The following GLI2 variants were observed in gnomAD, a reference collection of about 807,000 sequenced individuals.
The protein encoded by GLI2 is transcription activator GLI2.
Under a neutral mutation model 78.9 loss-of-function variants are expected in GLI2, and 22 were observed. The ratio of observed to expected loss-of-function variants is 0.28; its 90% confidence interval spans 0.20 to 0.40. The LOEUF is 0.40. GLI2 is among the 10% of genes least tolerant of loss of function. The pLI is 1.00. For missense variants in GLI2, 2,097 were observed against 2,213.2 expected, an observed-to-expected ratio of 0.95 and a Z score of 1.05; for synonymous variants, 974 against 963.7, an observed-to-expected ratio of 1.01 and a Z score of -0.20.
At chr2:120,920,816 C>G (rs1400277734) in intron 2 of GLI2, among the ~76,000 whole-genome samples, 1 of 149,090 alleles carries the variant, frequency 6.7e-6, no homozygotes, top group Admixed American at 6.7e-5. Context: ...AAATGGCATA[C>G]GGGGTGTGTA....
chr2:120,851,413 G>A (rs1687400909), intron 2 of GLI2, among the ~76,000 whole-genome samples: 1 of 152,256 alleles, frequency 6.6e-6, no homozygotes, highest in South Asian at 2.1e-4. Flanking sequence ...TGGGCCCCCA[G>A]GGCCAGGGGA....
intron 2 of GLI2, among the ~76,000 whole-genome samples, chr2:120,880,707 G>T (rs1677070778): frequency 6.6e-6 from 1 of 152,202 alleles, no homozygotes; most frequent in Non-Finnish European, 1.5e-5. Flanking sequence ...TGAGGTATCT[G>T]CGTATGAGAG....
chr2:120,985,734 A>C (rs984419505), intron 12 of GLI2, among the ~76,000 whole-genome samples: 2 of 152,164 alleles, frequency 1.3e-5, no homozygotes, highest in Non-Finnish European at 1.5e-5. Context: ...CACTGTGTAC[A>C]TGTGCCATGA....
At chr2:120,929,451 C>T (rs1023177842) in intron 3 of GLI2, among the ~76,000 whole-genome samples, 3 of 152,178 alleles carry the variant, frequency 2.0e-5, no homozygotes, top group Non-Finnish European at 2.9e-5. Flanking sequence ...TGCCAAATGG[C>T]GATTTTCTGT....
intron 2 of GLI2, among the ~76,000 whole-genome samples, chr2:120,924,542 TACACACACAC>T (rs56852363): frequency 2.0e-5 from 3 of 149,548 alleles, no homozygotes; most frequent in Non-Finnish European, 1.5e-5. Context: ...CATTTAGAAA[TACACACACAC>T]ACACACACAC....
chr2:120,855,447 CTG>C (rs2104621597), intron 2 of GLI2, among the ~76,000 whole-genome samples: 1 of 152,332 alleles, frequency 6.6e-6, no homozygotes, highest in East Asian at 1.9e-4. Flanking sequence ...CCAGGGAGCA[CTG>C]TGAATTCAGG....
intron 2 of GLI2, among the ~76,000 whole-genome samples, chr2:120,845,000 C>T (rs764670437): frequency 8.5e-5 from 13 of 152,186 alleles, no homozygotes; most frequent in Non-Finnish European, 1.8e-4. Context: ...AAGCTGGGCA[C>T]GGTGGCTCAT....
At chr2:120,824,461 C>T (rs1005465383) in intron 2 of GLI2, among the ~76,000 whole-genome samples, 1 of 152,366 alleles carries the variant, frequency 6.6e-6, no homozygotes, top group Non-Finnish European at 1.5e-5. Flanking sequence ...CTCAGGCCCA[C>T]CCTCTGAGCT....
At chr2:120,881,845 T>C (rs56970083) in intron 2 of GLI2, among the ~76,000 whole-genome samples, 2,840 of 120,436 alleles carry the variant, frequency 0.024, 76 homozygotes, top group African/African-American at 0.058. Context: ...GCAAGACAGG[T>C]GGGAGAGGGG....
intron 1 of GLI2, among the ~76,000 whole-genome samples, chr2:120,777,463 G>T (rs1683715401): frequency 6.6e-6 from 1 of 152,040 alleles, no homozygotes; most frequent in Non-Finnish European, 1.5e-5. Flanking sequence ...GGGGGCCTGT[G>T]TGGATATGCT....
At chr2:120,801,206 T>G (rs563709298) in intron 2 of GLI2, among the ~76,000 whole-genome samples, 7 of 152,334 alleles carry the variant, frequency 4.6e-5, no homozygotes, top group African/African-American at 1.7e-4. Context: ...TGGCATGATC[T>G]CAGCTCACTG....
chr2:120,800,649 C>T lies in GLI2; in HGVS notation c.148+3181C>T, dbSNP rs575191893. Among the ~76,000 whole-genome samples the T allele has an allele frequency of 8.6e-4, 130 of 151,780 alleles. No individual in the cohort carries two copies. Among genetic ancestry groups the T allele is most frequent in the African/African-American group, 2.9e-3 (122 of 41,410 alleles). On this transcript the variant is annotated intron_variant, in intron 2 of 13. Coordinates refer to ENST00000361492, the MANE Select transcript of GLI2 (RefSeq NM_001374353.1). The surrounding 1 kb of genome is among the most constrained non-coding windows in gnomAD (Gnocchi z 4.1). ...GCCTCCCAGTAGCTGGGACTACAGG[C>T]ACCCGCCACCACACCTGGCTAATTT...
intron 1 of GLI2, among the ~76,000 whole-genome samples, chr2:120,796,757 A>T (rs1000172273): frequency 6.6e-6 from 1 of 152,244 alleles, no homozygotes; most frequent in Non-Finnish European, 1.5e-5. Flanking sequence ...CCTGATGCAT[A>T]CTAGGGGCTT....
intron 1 of GLI2, among the ~76,000 whole-genome samples, chr2:120,756,388 A>T (rs1683035023): frequency 6.6e-6 from 1 of 152,124 alleles, no homozygotes; most frequent in African/African-American, 2.4e-5. Flanking sequence ...TGGTTTATTT[A>T]TATTGCTTTT....
chr2:120,740,166 C>T (rs1251861084), intron 1 of GLI2, among the ~76,000 whole-genome samples: 1 of 152,132 alleles, frequency 6.6e-6, no homozygotes, highest in Non-Finnish European at 1.5e-5. Context: ...GCATCCTTAA[C>T]CCACAAAACT....
chr2:120,795,986 G>A (rs1684373623), intron 1 of GLI2, among the ~76,000 whole-genome samples: 1 of 152,208 alleles, frequency 6.6e-6, no homozygotes, highest in African/African-American at 2.4e-5. Context: ...AGAGGTTGCG[G>A]TGAGCCAAGA....
At chr2:120,961,089 C>T (rs912918761) in intron 5 of GLI2, among the ~76,000 whole-genome samples, 2 of 152,186 alleles carry the variant, frequency 1.3e-5, no homozygotes, top group African/African-American at 4.8e-5. Flanking sequence ...AACGACAGAA[C>T]AGCCACCCCC....
chr2:120,782,482 A>T (rs1398780139), intron 1 of GLI2, among the ~76,000 whole-genome samples: 9 of 152,202 alleles, frequency 5.9e-5, no homozygotes, highest in Non-Finnish European at 1.3e-4. Flanking sequence ...CCATGACAAG[A>T]TAACTGAGGT....
intron 2 of GLI2, among the ~76,000 whole-genome samples, chr2:120,869,631 C>T (rs1688328071): frequency 6.6e-6 from 1 of 152,186 alleles, no homozygotes; most frequent in African/African-American, 2.4e-5. Context: ...AATCACCAGG[C>T]AGTGTCGCTT....
Sources: gnomAD v4.1 joint callset for allele counts (sites outside exome capture counted in the v4.1 genomes callset) on GRCh38, gnomAD v4.1.1 for gene constraint, Gnocchi (gnomAD v3.1) non-coding constraint, MANE v1.5 for transcripts, NCBI Gene and HGNC (gene_info 2026-07-23, HGNC 2026-07-21) for gene names.